The following ERCC2 variants were observed in gnomAD, a reference collection of about 807,000 sequenced individuals.
ERCC2 encodes ERCC excision repair 2, TFIIH core complex helicase subunit, also known as general transcription and DNA repair factor IIH helicase subunit XPD.
A neutral mutation model predicts 99.4 loss-of-function variants in ERCC2; 90 were observed. That is an observed-to-expected ratio of 0.91 (90% CI 0.76 to 1.08). The LOEUF is 1.08. Ranked by LOEUF, ERCC2 falls within the 50% of genes least tolerant of loss-of-function variation. The probability of loss-of-function intolerance (pLI) is 0.00; values close to 1 mark genes in which losing one functional copy is unlikely to be tolerated. For missense variants in ERCC2, 993 were observed against 1,038.1 expected, an observed-to-expected ratio of 0.96 and a Z score of 0.60; for synonymous variants, 497 against 432.4, an observed-to-expected ratio of 1.15 and a Z score of -1.85.
At chr19:45,358,548 C>T (rs551104072) in intron 12 of ERCC2, 6 of 412,682 alleles carry the variant, frequency 1.5e-5, no homozygotes, top group Non-Finnish European at 4.5e-6. Context: ...CTCCCATGGC[C>T]CCCACATGCC....
Position 45,352,821 on chromosome 19 carries a change from TGGGCA to T in ERCC2, c.1832-10_1832-6del, listed in dbSNP as rs1971859463. On this transcript the variant is annotated splice_polypyrimidine_tract_variant and splice_region_variant and intron_variant, in intron 19 of 22. Coordinates refer to ENST00000391945, the MANE Select transcript of ERCC2 (RefSeq NM_000400.4). ...CGGCCCGCCCGTAGTGGTGCACTGG[TGGGCA>T]GAGGAGAGGGGGCGAGGGGGGTTAC... The T allele has an allele frequency of 6.2e-7, 1 of 1,610,152 alleles. No individual in the cohort carries two copies. The highest frequency in any genetic ancestry group is 1.4e-5 in the African/African-American group (1 of 73,478).
In ERCC2 at chr19:45,369,009, G is replaced by A. The variant is rs147754569; in HGVS notation, c.184-17C>T. 2 of 1,614,172 alleles carry A rather than the reference G, an allele frequency of 1.2e-6. No individual in the cohort carries two copies. Among genetic ancestry groups the A allele is most frequent in the East Asian group, 4.5e-5 (2 of 44,890 alleles). ...CGGATATGCCTGCCGATAACAAGCG[G>A]ACTCAGTCCCTGTCCCGCCCCTTCC... On this transcript the variant is annotated splice_polypyrimidine_tract_variant and intron_variant, in intron 3 of 22. Coordinates refer to ENST00000391945, the MANE Select transcript of ERCC2 (RefSeq NM_000400.4).
intron 12 of ERCC2, among the ~76,000 whole-genome samples, chr19:45,359,483 G>A (rs1972133742): frequency 6.6e-6 from 1 of 152,178 alleles, no homozygotes; most frequent in Non-Finnish European, 1.5e-5. Flanking sequence ...GGCAGACTGA[G>A]CCCCTGGTCA....
At chr19:45,363,636 C>G in intron 11 of ERCC2, 107 bp downstream of exon 11, 1 of 1,284,438 alleles carries the variant, frequency 7.8e-7, no homozygotes, top group East Asian at 2.6e-5. Flanking sequence ...CCAGCTCACT[C>G]ACTCCTGATG....
Position 45,368,747 on chromosome 19 carries a change from C to T in ERCC2, c.247-4G>A. On this transcript the variant is annotated splice_region_variant and splice_polypyrimidine_tract_variant and intron_variant, in intron 4 of 22. Coordinates refer to ENST00000391945, the MANE Select transcript of ERCC2 (RefSeq NM_000400.4). ...ACTTTCGAAGCTCTTCAATCACCTA[C>T]TCCAAAGTTGGGGGGCAGGGGGAGC... 1 of 1,609,246 alleles carries T rather than the reference C, an allele frequency of 6.2e-7. No homozygotes were observed. Among genetic ancestry groups the T allele is most frequent in the South Asian group, 1.1e-5 (1 of 90,662 alleles).
chr19:45,350,203 C>T lies in ERCC2; in HGVS notation c.*1426G>A. On this transcript the variant is annotated 3_prime_UTR_variant, in exon 23 of 23. Transcript: ENST00000391945. The stretch of plus-strand genomic sequence containing the variant: ...TTGGGAGGCCAAGGCAGGAGGATCA[C>T]TTGAGGCTAGGAGTTCAAGACCAGC... 2 of 655,768 alleles carry T rather than the reference C, an allele frequency of 3.0e-6. No homozygotes were observed. The highest frequency in any genetic ancestry group is 2.6e-6 in the Non-Finnish European group (1 of 384,106). The allele number at this position is 655,768 out of a possible 1,614,324, so 40.6% of individuals were successfully genotyped here. A position where few individuals can be genotyped will look rare whatever the true frequency, so the allele number is the denominator to read the frequency against.
Position 45,351,454 on chromosome 19 carries a change from T to C in ERCC2, c.*175A>G. The C allele has an allele frequency of 1.9e-6, 3 of 1,583,034 alleles. No individual in the cohort carries two copies. Among genetic ancestry groups the C allele is most frequent in the Non-Finnish European group, 2.6e-6 (3 of 1,168,276 alleles). ...GGGTCTATCATCTCCTGGCCCCCCC[T>C]TGCCTCTGGGTACCTGGTGGATAGC... is the stretch of plus-strand genomic sequence containing the variant. On this transcript the variant is annotated 3_prime_UTR_variant, in exon 23 of 23. Coordinates refer to ENST00000391945, the MANE Select transcript of ERCC2 (RefSeq NM_000400.4).
intron 12 of ERCC2, 115 bp downstream of exon 12, chr19:45,361,409 T>A: frequency 8.6e-6 from 7 of 809,978 alleles, no homozygotes; most frequent in Non-Finnish European, 1.5e-5. Flanking sequence ...GGCCCACACT[T>A]CCAAGCCAAA....
intron 5 of ERCC2, among the ~76,000 whole-genome samples, chr19:45,367,744 C>A (rs1217941511): frequency 6.6e-6 from 1 of 151,932 alleles, no homozygotes; most frequent in Non-Finnish European, 1.5e-5. Flanking sequence ...AAACTCCCGA[C>A]CTCAGGTGTC....
At position 45,350,689 on chromosome 19, in the gene ERCC2, C is replaced by A; in HGVS notation, c.*940G>T. ...CTCCAAGATCCGTGAGTCTATCAGGCGAGGAAGTGAGAAGCTGGTCTCCCG... is the reference window on the plus strand; with the variant it reads ...CTCCAAGATCCGTGAGTCTATCAGGAGAGGAAGTGAGAAGCTGGTCTCCCG... On this transcript the variant is annotated 3_prime_UTR_variant, in exon 23 of 23. Coordinates refer to ENST00000391945, the MANE Select transcript of ERCC2 (RefSeq NM_000400.4). 2 of 1,613,682 alleles carry A rather than the reference C, an allele frequency of 1.2e-6. No homozygotes were observed. Among genetic ancestry groups the A allele is most frequent in the East Asian group, 2.2e-5 (1 of 44,854 alleles).
intron 15 of ERCC2, among the ~76,000 whole-genome samples, chr19:45,356,046 G>A (rs940862237): frequency 1.3e-5 from 2 of 152,156 alleles, no homozygotes; most frequent in African/African-American, 4.8e-5. Context: ...CTCAGAGAAG[G>A]TGAGTTGCCT....
At chr19:45,355,381 A>G (rs1381317890) in intron 16 of ERCC2, among the ~76,000 whole-genome samples, 8 of 152,204 alleles carry the variant, frequency 5.3e-5, no homozygotes, top group African/African-American at 1.9e-4. Flanking sequence ...TGTCACTTCC[A>G]GGGGAGCACC....
At position 45,351,145 on chromosome 19, in the gene ERCC2, G is replaced by A; in HGVS notation, c.*484C>T. On this transcript the variant is annotated 3_prime_UTR_variant, in exon 23 of 23. Coordinates refer to ENST00000391945, the MANE Select transcript of ERCC2 (RefSeq NM_000400.4). ...TGGGTTGGTGTCAGAAGAGACCCAG[G>A]ACAGGAGCAAAGATGGGTTTTACTT... The A allele has an allele frequency of 6.3e-7, 1 of 1,596,860 alleles. No homozygotes were observed. Among genetic ancestry groups the A allele is most frequent in the Non-Finnish European group, 8.5e-7 (1 of 1,170,738 alleles).
intron 21 of ERCC2, 23 bp downstream of exon 21, chr19:45,352,483 C>T: frequency 1.2e-6 from 2 of 1,614,132 alleles, no homozygotes; most frequent in Non-Finnish European, 1.7e-6. Flanking sequence ...GATGGGAGCA[C>T]AGGGGCACCC....
chr19:45,350,923 A>G lies in ERCC2; in HGVS notation c.*706T>C, dbSNP rs941273879. 2.5e-6 allele frequency: 4 copies of G among 1,609,040 alleles called. No individual in the cohort carries two copies. Among genetic ancestry groups the G allele is most frequent in the South Asian group, 1.1e-5 (1 of 90,994 alleles). ...GTGGAGGGGGGCCACTCCTGGATTCACTCATTTCCTCCCTGCTGCCCTCTT... is the reference window on the plus strand; with the variant it reads ...GTGGAGGGGGGCCACTCCTGGATTCGCTCATTTCCTCCCTGCTGCCCTCTT... On this transcript the variant is annotated 3_prime_UTR_variant, in exon 23 of 23. Coordinates refer to ENST00000391945, the MANE Select transcript of ERCC2 (RefSeq NM_000400.4).
At chr19:45,351,977 CCT>C (rs1478850338) in intron 22 of ERCC2, among the ~76,000 whole-genome samples, 3 of 152,228 alleles carry the variant, frequency 2.0e-5, no homozygotes, top group Non-Finnish European at 4.4e-5. Flanking sequence ...CCCAATGCCT[CCT>C]CACCCCAACT....
At chr19:45,367,330 G>A (rs538057486) in intron 5 of ERCC2, among the ~76,000 whole-genome samples, 26 of 149,584 alleles carry the variant, frequency 1.7e-4, no homozygotes, top group South Asian at 1.7e-3. Flanking sequence ...GTGAGACTCC[G>A]TCTCAAAAAC....
In ERCC2 at chr19:45,364,462, C is replaced by G; in HGVS notation, c.680G>C (p.Arg227Pro). ...CTCGTCGAAGACCACGACGGCCTTG[C>G]GGGCCAGTTCCTTGGACACCAGGTC... ...IADLVSKELA[R>P]KAVVVFDEAH... Residue 227 changes from arginine (R) to proline (P), a missense_variant, in exon 8 of 23, where the codon CGC becomes CCC. Transcript: ENST00000391945. 6.2e-7 allele frequency: 1 copy of G among 1,613,990 alleles called. No individual in the cohort carries two copies.
chr19:45,370,002 G>A (rs928496673), intron 2 of ERCC2, 131 bp downstream of exon 2: 26 of 785,462 alleles, frequency 3.3e-5, no homozygotes, highest in Non-Finnish European at 5.0e-5. Context: ...TTTAGATAAC[G>A]GAAGATTATG....
Sources: allele counts gnomAD v4.1 joint callset (sites outside exome capture counted in the v4.1 genomes callset), GRCh38; gene constraint gnomAD v4.1.1; transcripts MANE v1.5; gene names NCBI Gene and HGNC (gene_info 2026-07-23, HGNC 2026-07-21).